Variants in NTNG1 observed in about 807,000 individuals in gnomAD.
NTNG1 encodes netrin G1, also known as netrin-G1.
NTNG1 carries 16 observed loss-of-function variants against 54.0 expected under a neutral mutation model. The ratio of observed to expected loss-of-function variants is 0.30; its 90% CI spans 0.20 to 0.45. The LOEUF (loss-of-function observed/expected upper bound fraction) is 0.45, where lower values mean the gene tolerates loss of function less well. Ranked by LOEUF, NTNG1 falls within the 20% of genes least tolerant of loss-of-function variation. The pLI, the probability that NTNG1 is intolerant of heterozygous loss-of-function variation, is 1.00. For missense variants in NTNG1, 530 were observed against 678.7 expected, an observed-to-expected ratio of 0.78 and a Z score of 2.43; for synonymous variants, 255 against 263.1, an observed-to-expected ratio of 0.97 and a Z score of 0.30.
chr1:107,439,312 G>A (rs1317044254), intron 7 of NTNG1, among the ~76,000 whole-genome samples: 2 of 151,642 alleles, frequency 1.3e-5, no homozygotes, highest in East Asian at 3.9e-4. Context: ...GTGTGAGCAT[G>A]CACATGTGTT....
rs1180507114 is a variant in NTNG1 at position 107,148,606 on chromosome 1, A to G, written c.13A>G (p.Arg5Gly). Residue 5 changes from arginine (R) to glycine (G), a missense_variant, in exon 2 of 8, where the codon AGA becomes GGA. Around this residue, in one of 2 missense-constraint regions of NTNG1, gnomAD observed 318 missense variants for 465.1 expected, o/e 0.68. Transcript: ENST00000370068. MYLS[R>G]FLSIHALWVT... ...AAAGAATTTAGAGATGTATTTGTCA[A>G]GATTCCTGTCGATTCATGCCCTTTG... 3 of 1,613,262 alleles carry G rather than the reference A, an allele frequency of 1.9e-6. No homozygotes were observed. Among genetic ancestry groups the G allele is most frequent in the African/African-American group, 1.3e-5 (1 of 74,884 alleles).
chr1:107,480,686 C>G lies in NTNG1; in HGVS notation c.1466C>G (p.Pro489Arg). 3 of 1,610,674 alleles carry G rather than the reference C, an allele frequency of 1.9e-6. No individual in the cohort carries two copies. Among genetic ancestry groups the G allele is most frequent in the Non-Finnish European group, 2.5e-6 (3 of 1,178,926 alleles). ...TCHNNVRCLC[P>R]AAYTGILCEK... is the part of the protein sequence containing the mutation. ...CACAACAACGTGCGCTGCCTGTGCC[C>G]GGCCGCATACACGGGCATCCTCTGC... Residue 489 changes from proline (P) to arginine (R), a missense_variant, in exon 8 of 8, where the codon CCG (proline) becomes CGG (arginine). Transcript: ENST00000370068.
At position 107,416,195 on chromosome 1, in the gene NTNG1, A is replaced by C. The variant is rs1242348382; in HGVS notation, c.1087+8487A>C. Among the ~76,000 whole-genome samples the C allele has an allele frequency of 2.0e-5, 3 of 152,062 alleles. No individual in the cohort carries two copies. The East Asian group carries it at 5.8e-4, about 29-fold the overall frequency. On this transcript the variant is annotated intron_variant, in intron 5 of 7. Transcript: ENST00000370068. ...TCCCAAGGAAGGCAGAGCACATAAA[A>C]TTTTGTCCCACTGGAGATATGTATG...
At chr1:107,232,809 A>C (rs1383722482) in intron 2 of NTNG1, among the ~76,000 whole-genome samples, 1 of 152,158 alleles carries the variant, frequency 6.6e-6, no homozygotes, top group Non-Finnish European at 1.5e-5. Flanking sequence ...GTCTAGTCAA[A>C]ATGGAGGGTA....
intron 2 of NTNG1, among the ~76,000 whole-genome samples, chr1:107,314,167 G>A (rs1667190650): frequency 6.6e-6 from 1 of 152,166 alleles, no homozygotes; most frequent in African/African-American, 2.4e-5. Flanking sequence ...CACTTTGGGA[G>A]GCCGAGGCAG....
intron 5 of NTNG1, among the ~76,000 whole-genome samples, chr1:107,420,207 C>T (rs1204244285): frequency 2.0e-5 from 3 of 152,046 alleles, no homozygotes; most frequent in African/African-American, 7.2e-5. Context: ...GTGAGAGTCA[C>T]AGGACAAAAC....
chr1:107,352,813 C>A (rs1669703662), intron 3 of NTNG1, among the ~76,000 whole-genome samples: 1 of 152,330 alleles, frequency 6.6e-6, no homozygotes, highest in South Asian at 2.1e-4. Flanking sequence ...TGTGCACCTG[C>A]AGGCTTAACA....
At chr1:107,336,095 T>A (rs1668560344) in intron 3 of NTNG1, among the ~76,000 whole-genome samples, 1 of 151,688 alleles carries the variant, frequency 6.6e-6, no homozygotes, top group African/African-American at 2.4e-5. Context: ...AAAATTCATA[T>A]AGAATTTTAA....
intron 1 of NTNG1, among the ~76,000 whole-genome samples, chr1:107,144,274 T>G (rs1653946635): frequency 6.6e-6 from 1 of 152,130 alleles, no homozygotes; most frequent in Admixed American, 6.5e-5. Flanking sequence ...ATAGTCAATT[T>G]TCCTTTTGTT....
At chr1:107,378,526 A>G (rs1473786120) in intron 3 of NTNG1, among the ~76,000 whole-genome samples, 1 of 152,148 alleles carries the variant, frequency 6.6e-6, no homozygotes, top group Non-Finnish European at 1.5e-5. Context: ...GGGATGGGGG[A>G]ACAGCCTTGG....
chr1:107,162,488 T>C lies in NTNG1; in HGVS notation c.246+13649T>C, dbSNP rs571089392. On this transcript the variant is annotated intron_variant, in intron 2 of 7. Coordinates refer to ENST00000370068, the MANE Select transcript of NTNG1 (RefSeq NM_001113226.3). ...AAACTCTATGTACTATGCCTCTTAA[T>C]GTCTCATTTTTGTTTTAATTATTTA... 1.6e-3 allele frequency among the ~76,000 whole-genome samples: 246 copies of C among 152,314 alleles called. 1 individual carries two copies. Among genetic ancestry groups the C allele is most frequent in the Non-Finnish European group, 2.5e-3 (170 of 68,020 alleles).
Position 107,481,155 on chromosome 1 carries a change from A to ATAAATAAGGATG in NTNG1, c.*315_*316insTAAATAAGGATG. 2.5e-6 allele frequency: 1 copy of ATAAATAAGGATG among 393,728 alleles called. No homozygotes were observed. Among genetic ancestry groups the ATAAATAAGGATG allele is most frequent in the Non-Finnish European group, 4.6e-6 (1 of 217,260 alleles). The allele number at this position is 393,728 out of a possible 1,614,324, so 24.4% of individuals were successfully genotyped here. On this transcript the variant is annotated 3_prime_UTR_variant, in exon 8 of 8. Transcript: ENST00000370068. ...CCCAAACAGGAAAGACAAAAAACAA[A>ATAAATAAGGATG]CAAATCAACCGACCTAAAAACATTG...
At chr1:107,169,178 TAC>T (rs1656034680) in intron 2 of NTNG1, among the ~76,000 whole-genome samples, 1 of 152,158 alleles carries the variant, frequency 6.6e-6, no homozygotes, top group Middle Eastern at 3.2e-3. Context: ...TCCTATAATT[TAC>T]AGTCTTGGCC....
At chr1:107,298,819 A>C (rs1666141516) in intron 2 of NTNG1, among the ~76,000 whole-genome samples, 1 of 152,136 alleles carries the variant, frequency 6.6e-6, no homozygotes, top group Non-Finnish European at 1.5e-5. Flanking sequence ...GCATGATTGG[A>C]GAAAGGAATA....
chr1:107,194,989 C>T (rs1658216148), intron 2 of NTNG1, among the ~76,000 whole-genome samples: 1 of 151,990 alleles, frequency 6.6e-6, no homozygotes, highest in South Asian at 2.1e-4. Context: ...CATAACCCTT[C>T]TAGAAGCTGT....
chr1:107,317,640 C>A (rs2101856640), intron 2 of NTNG1, among the ~76,000 whole-genome samples: 1 of 152,292 alleles, frequency 6.6e-6, no homozygotes, highest in South Asian at 2.1e-4. Context: ...AACCATAATC[C>A]TCTGTGGGGA....
intron 3 of NTNG1, among the ~76,000 whole-genome samples, chr1:107,370,898 T>C (rs1670884957): frequency 6.6e-6 from 1 of 152,192 alleles, no homozygotes; most frequent in Non-Finnish European, 1.5e-5. Flanking sequence ...TTGTTACCAC[T>C]ATTTAGAAAT....
At chr1:107,435,782 A>G (rs912365506) in intron 6 of NTNG1, among the ~76,000 whole-genome samples, 5 of 152,194 alleles carry the variant, frequency 3.3e-5, no homozygotes, top group African/African-American at 1.2e-4. Flanking sequence ...AAGAGTAATG[A>G]GGAAAGAAAC....
chr1:107,252,260 C>G (rs560106680), intron 2 of NTNG1, among the ~76,000 whole-genome samples: 1 of 152,176 alleles, frequency 6.6e-6, no homozygotes, highest in Non-Finnish European at 1.5e-5. Context: ...CCCCATGATG[C>G]ATTGTCCTTT....
Sources: gnomAD v4.1 joint callset for allele counts (sites outside exome capture counted in the v4.1 genomes callset) on GRCh38, gnomAD v4.1.1 for gene constraint, gnomAD v4.1.1 regional missense constraint, MANE v1.5 for transcripts, NCBI Gene and HGNC (gene_info 2026-07-23, HGNC 2026-07-21) for gene names.